TENM4: variants seen among roughly 807,000 people sequenced by gnomAD.
TENM4 encodes teneurin-4.
A neutral mutation model predicts 243.3 loss-of-function variants in TENM4; 82 were observed. The ratio of observed to expected loss-of-function variants is 0.34; its 90% confidence interval spans 0.28 to 0.40. The LOEUF is 0.40. Among genes scored for constraint, TENM4 ranks in the 10% least tolerant of loss-of-function variants. TENM4 has a pLI of 1.00. For synonymous variants in TENM4, 1,412 were observed against 1,456.3 expected, an observed-to-expected ratio of 0.97 and a Z score of 0.69; for missense variants, 3,138 against 3,673.3, an observed-to-expected ratio of 0.85 and a Z score of 3.77.
intron 4 of TENM4, among the ~76,000 whole-genome samples, chr11:79,090,724 G>T (rs1860925137): frequency 6.6e-6 from 1 of 152,152 alleles, no homozygotes; most frequent in South Asian, 2.1e-4. Flanking sequence ...TGGGGTTTTG[G>T]GAACTCAAGC....
intron 3 of TENM4, among the ~76,000 whole-genome samples, chr11:79,184,203 T>C (rs1175117315): frequency 2.6e-5 from 4 of 152,170 alleles, no homozygotes; most frequent in Non-Finnish European, 5.9e-5. Context: ...TGTTATAATA[T>C]GGATGGACCT....
intron 19 of TENM4, 29 bp from the exon 20 acceptor site, chr11:78,738,599 G>A (rs773383663): frequency 1.3e-5 from 21 of 1,607,642 alleles, no homozygotes; most frequent in Non-Finnish European, 1.6e-5. Context: ...GAATAAACAT[G>A]ATACACCTTT....
At chr11:78,831,893 C>G (rs1591056741) in intron 12 of TENM4, among the ~76,000 whole-genome samples, 2 of 152,194 alleles carry the variant, frequency 1.3e-5, no homozygotes, top group Admixed American at 6.5e-5. Context: ...CTCCAGAAAG[C>G]TTCCTCATTC....
chr11:79,127,708 T>G (rs1175558696), intron 4 of TENM4, among the ~76,000 whole-genome samples: 3 of 152,242 alleles, frequency 2.0e-5, no homozygotes, highest in African/African-American at 7.2e-5. Context: ...GATGACCTTA[T>G]GCTGATCGGA....
At chr11:79,022,270 G>A (rs1858949235) in intron 6 of TENM4, among the ~76,000 whole-genome samples, 2 of 152,148 alleles carry the variant, frequency 1.3e-5, no homozygotes, top group South Asian at 4.1e-4. Context: ...TGAAACTGAG[G>A]TTCAGAGAGG....
At chr11:79,217,714 T>C (rs1022110489) in intron 2 of TENM4, among the ~76,000 whole-genome samples, 2 of 152,082 alleles carry the variant, frequency 1.3e-5, no homozygotes, top group Non-Finnish European at 2.9e-5. Context: ...TGAACTACCT[T>C]CAGGGTAGAA....
At position 78,670,457 on chromosome 11, in the gene TENM4, C is replaced by T. The variant is rs539606746; in HGVS notation, c.5888G>A (p.Arg1963Gln). The change falls in exon 32 of 34, where the codon CGG becomes CAG. Residue 1963 changes from arginine to glutamine, a missense_variant. Physicochemically the swap from Arg to Gln is conservative, Grantham distance 43. Transcript: ENST00000278550. ...TGAGCGGATGGTCTCTAGTGTCTGC[C>T]GCGCCACGTTGGGCATCGTCACAGA... ...LSSVTMPNVARQTLETIRSVG... is the reference protein window; with the variant it reads ...LSSVTMPNVAQQTLETIRSVG... 53 of 1,613,916 alleles carry T rather than the reference C, an allele frequency of 3.3e-5. No individual in the cohort carries two copies. The highest frequency in any genetic ancestry group is 1.7e-4 in the Middle Eastern group (1 of 6,040).
At position 78,918,054 on chromosome 11, in the gene TENM4, T is replaced by C. The variant is rs1030015638; in HGVS notation, c.494-14531A>G. On this transcript the variant is annotated intron_variant, in intron 6 of 33. Coordinates refer to ENST00000278550, the MANE Select transcript of TENM4 (RefSeq NM_001098816.3). ...GGGGAGAGAATGTGTTCATGCTCCA[T>C]GGCAACTAAGTGCCAAGAAATCCAA... Among the ~76,000 whole-genome samples the C allele has an allele frequency of 3.9e-5, 6 of 152,340 alleles. No homozygotes were observed. In the East Asian group the frequency reaches 5.8e-4, roughly 15 times the overall value.
At chr11:79,435,207 C>T (rs1257822520) in intron 1 of TENM4, among the ~76,000 whole-genome samples, 1 of 151,764 alleles carries the variant, frequency 6.6e-6, no homozygotes, top group Non-Finnish European at 1.5e-5. Context: ...GCACATATTA[C>T]TTTGGTCATT....
At chr11:78,982,761 C>T (rs958698573) in intron 6 of TENM4, among the ~76,000 whole-genome samples, 5 of 152,214 alleles carry the variant, frequency 3.3e-5, no homozygotes, top group African/African-American at 1.2e-4. Flanking sequence ...TTCCTGATGC[C>T]CAGCTGAGAT....
chr11:79,388,140 G>T (rs959744439), intron 1 of TENM4, among the ~76,000 whole-genome samples: 2 of 152,222 alleles, frequency 1.3e-5, no homozygotes, highest in Admixed American at 1.3e-4. Context: ...CTTCACTGAG[G>T]TTAGAGCCAG....
chr11:79,066,325 C>A (rs1430520932), intron 5 of TENM4, among the ~76,000 whole-genome samples: 4 of 152,180 alleles, frequency 2.6e-5, no homozygotes, highest in African/African-American at 4.8e-5. Context: ...GCTTTAAAGG[C>A]CTCCTCGGCC....
chr11:79,297,146 G>A (rs1404916899), intron 2 of TENM4, among the ~76,000 whole-genome samples: 1 of 152,196 alleles, frequency 6.6e-6, no homozygotes, highest in Non-Finnish European at 1.5e-5. Flanking sequence ...GTCTATTGAA[G>A]GGAGAGTGAG....
chr11:79,084,347 C>G (rs988658398), intron 4 of TENM4, among the ~76,000 whole-genome samples: 1 of 152,180 alleles, frequency 6.6e-6, no homozygotes, highest in South Asian at 2.1e-4. Context: ...TACTGTACAA[C>G]CTAGCGCTTG....
chr11:79,105,926 A>G (rs1489631095), intron 4 of TENM4, among the ~76,000 whole-genome samples: 1 of 152,176 alleles, frequency 6.6e-6, no homozygotes, highest in Non-Finnish European at 1.5e-5. Flanking sequence ...GTAAAACAAA[A>G]TGTTGGAAAC....
chr11:78,812,551 T>C lies in TENM4; in HGVS notation c.1784-235A>G, dbSNP rs142935543. ...AGGGCCTGGCAGGGTAGGTATCCAC[T>C]TAACCCCATCCCCTTCATGTTGCTG... is the stretch of plus-strand genomic sequence containing the variant. On this transcript the variant is annotated intron_variant, in intron 13 of 33. Transcript: ENST00000278550. Among the ~76,000 whole-genome samples the C allele has an allele frequency of 1.0e-3, 157 of 152,326 alleles. 3 individuals carry two copies. The East Asian group carries it at 0.028, about 27-fold the overall frequency.
In TENM4 at chr11:78,701,739, T is replaced by C; in HGVS notation, c.4874A>G (p.Asn1625Ser). Residue 1625 changes from asparagine (N) to serine (S), a missense_variant, in exon 28 of 34, where the codon AAT becomes AGT. By Grantham distance (46) the Asn-to-Ser change is conservative. Coordinates refer to ENST00000278550, the MANE Select transcript of TENM4 (RefSeq NM_001098816.3). ...TCGGCGGACATTTACCATGTTGCCA[T>C]TGTTGTCTGTGATGAGTGTGATGTC... ...DGDITLITDN[N>S]GNMVNVRRDS... 6.2e-7 allele frequency: 1 copy of C among 1,613,918 alleles called. No homozygotes were observed. Among genetic ancestry groups the C allele is most frequent in the Non-Finnish European group, 8.5e-7 (1 of 1,179,880 alleles).
intron 12 of TENM4, among the ~76,000 whole-genome samples, chr11:78,847,476 C>A (rs1227301909): frequency 2.0e-5 from 3 of 152,224 alleles, no homozygotes; most frequent in Non-Finnish European, 4.4e-5. Flanking sequence ...TGCTCTGATA[C>A]TCCTAGCTCT....
intron 3 of TENM4, among the ~76,000 whole-genome samples, chr11:79,201,126 G>A (rs937890781): frequency 1.3e-5 from 2 of 152,208 alleles, no homozygotes; most frequent in African/African-American, 4.8e-5. Context: ...ACACAACACA[G>A]AGAATATGAT....
Sources: allele counts gnomAD v4.1 joint callset (sites outside exome capture counted in the v4.1 genomes callset), GRCh38; gene constraint gnomAD v4.1.1; transcripts MANE v1.5; gene names NCBI Gene and HGNC (gene_info 2026-07-23, HGNC 2026-07-21).